Variants in RBFOX1 observed in about 807,000 individuals in gnomAD.
The protein encoded by RBFOX1 is RNA binding fox-1 homolog 1, also known as RNA binding protein fox-1 homolog 1.
In RBFOX1, 8 loss-of-function variants were observed where a neutral mutation model predicts 57.7. The ratio of observed to expected loss-of-function variants is 0.14; its 90% CI spans 0.08 to 0.25. The LOEUF (loss-of-function observed/expected upper bound fraction) is 0.25, where lower values mean the gene tolerates loss of function less well. Among genes scored for constraint, RBFOX1 ranks in the 10% least tolerant of loss-of-function variants. The pLI, the probability that RBFOX1 is intolerant of heterozygous loss-of-function variation, is 1.00. For synonymous variants in RBFOX1, 326 were observed against 222.4 expected (o/e 1.47, Z -4.15); for missense variants, 611 against 548.5 (o/e 1.11, Z -1.14).
chr16:7,187,492 A>G (rs1163929814), intron 4 of RBFOX1, among the ~76,000 whole-genome samples: 2 of 151,658 alleles, frequency 1.3e-5, no homozygotes, highest in East Asian at 3.9e-4. Flanking sequence ...GATCGAGACC[A>G]TCCTGGCTAA....
At chr16:7,202,994 G>A (rs1016688936) in intron 4 of RBFOX1, among the ~76,000 whole-genome samples, 1 of 152,118 alleles carries the variant, frequency 6.6e-6, no homozygotes, top group Non-Finnish European at 1.5e-5. Flanking sequence ...CACCGTGTGA[G>A]CCAGGATGGT....
At chr16:5,950,899 G>T (rs942257106) in intron 4 of RBFOX1, among the ~76,000 whole-genome samples, 1 of 152,130 alleles carries the variant, frequency 6.6e-6, no homozygotes. Context: ...TGGGGGAGGG[G>T]CATCCAACCC....
intron 1 of RBFOX1, among the ~76,000 whole-genome samples, chr16:5,284,033 C>G (rs1160129054): frequency 6.6e-6 from 1 of 152,068 alleles, no homozygotes; most frequent in African/African-American, 2.4e-5. Context: ...GGGGGCATGT[C>G]TTTCCCATGC....
chr16:7,223,438 C>T (rs1023956406), intron 4 of RBFOX1, among the ~76,000 whole-genome samples: 3 of 152,130 alleles, frequency 2.0e-5, no homozygotes, highest in African/African-American at 7.2e-5. Context: ...ATGTATATTC[C>T]ATTGAATCAT....
At chr16:5,849,822 G>A (rs1394541283) in intron 3 of RBFOX1, among the ~76,000 whole-genome samples, 1 of 152,152 alleles carries the variant, frequency 6.6e-6, no homozygotes, top group African/African-American at 2.4e-5. Flanking sequence ...GCTGTCATTT[G>A]TTCCCAAGAA....
chr16:7,310,802 GA>G (rs2096289262), intron 4 of RBFOX1, among the ~76,000 whole-genome samples: 1 of 152,184 alleles, frequency 6.6e-6, no homozygotes, highest in Non-Finnish European at 1.5e-5. Flanking sequence ...ATTCCATGTT[GA>G]TGGAACTCCT....
At chr16:6,983,485 G>C (rs1218865749) in intron 3 of RBFOX1, among the ~76,000 whole-genome samples, 1 of 151,398 alleles carries the variant, frequency 6.6e-6, no homozygotes, top group East Asian at 1.9e-4. Flanking sequence ...AAGATGAAAA[G>C]GAAGCGCTTA....
Position 6,133,362 on chromosome 16 carries a change from A to G in RBFOX1, c.-127+113370A>G, listed in dbSNP as rs143423839. ...GGCAGAGCCTGCGTTCTTCATTTTTAGTGCCTATCAGGCATGTGGCTGGCA... is the reference window on the plus strand; with the variant it reads ...GGCAGAGCCTGCGTTCTTCATTTTTGGTGCCTATCAGGCATGTGGCTGGCA... On this transcript the variant is annotated intron_variant, in intron 1 of 15. Transcript: ENST00000550418. Among the ~76,000 whole-genome samples, 359 of 152,294 alleles carry G rather than the reference A, an allele frequency of 2.4e-3. 3 individuals carry two copies. Among genetic ancestry groups the G allele is most frequent in the African/African-American group, 7.9e-3 (329 of 41,564 alleles).
Position 7,712,767 on chromosome 16 carries a change from C to G in RBFOX1, c.*2022C>G, listed in dbSNP as rs2084189536. On this transcript the variant is annotated 3_prime_UTR_variant, in exon 16 of 16. Coordinates refer to ENST00000550418, the MANE Select transcript of RBFOX1 (RefSeq NM_018723.4). ...AATTATTAAAACACTATGACATCCT[C>G]CAGAGGGAAGAAAGAGTAGGAGCAG... The G allele has an allele frequency of 6.6e-6, 1 of 152,130 alleles. No homozygotes were observed. Among genetic ancestry groups the G allele is most frequent in the African/African-American group, 2.4e-5 (1 of 41,432 alleles). 9.4% of individuals were successfully genotyped at this position (152,130 alleles called of 1,614,324 possible). A position where few individuals can be genotyped will look rare whatever the true frequency, so the allele number is the denominator to read the frequency against.
intron 1 of RBFOX1, among the ~76,000 whole-genome samples, chr16:5,356,412 T>C (rs2065390892): frequency 6.6e-6 from 1 of 152,232 alleles, no homozygotes; most frequent in Non-Finnish European, 1.5e-5. Context: ...ACTTTCTTCG[T>C]GACTCAATAA....
chr16:6,677,907 C>A (rs760782773), intron 3 of RBFOX1, among the ~76,000 whole-genome samples: 43 of 152,180 alleles, frequency 2.8e-4, no homozygotes, highest in Non-Finnish European at 1.2e-4. Context: ...TTGTTTATTA[C>A]TAAAGTGATT....
intron 5 of RBFOX1, among the ~76,000 whole-genome samples, chr16:7,563,429 G>C (rs1271429918): frequency 6.6e-6 from 1 of 152,166 alleles, no homozygotes; most frequent in East Asian, 1.9e-4. Flanking sequence ...GTCTATAAAT[G>C]TGTCTTGTTG....
At chr16:7,397,603 A>G (rs562766133) in intron 4 of RBFOX1, among the ~76,000 whole-genome samples, 23 of 152,308 alleles carry the variant, frequency 1.5e-4, no homozygotes, top group Admixed American at 5.9e-4. Context: ...ACTAAAATCA[A>G]TACTTTTCAA....
intron 3 of RBFOX1, among the ~76,000 whole-genome samples, chr16:5,702,344 C>G (rs769469771): frequency 6.6e-6 from 1 of 152,174 alleles, no homozygotes. Flanking sequence ...CGTGAGAACT[C>G]ACTCACTATC....
chr16:5,905,412 A>G (rs879553385), intron 4 of RBFOX1, among the ~76,000 whole-genome samples: 1 of 152,108 alleles, frequency 6.6e-6, no homozygotes, highest in Non-Finnish European at 1.5e-5. Flanking sequence ...AGGGAAGCCC[A>G]TGTGAAGACA....
intron 4 of RBFOX1, among the ~76,000 whole-genome samples, chr16:7,357,203 A>T (rs1365272032): frequency 6.6e-6 from 1 of 151,532 alleles, no homozygotes; most frequent in Non-Finnish European, 1.5e-5. Flanking sequence ...CAGTTTTGAA[A>T]TCATCCTGAT....
chr16:6,668,223 C>T (rs748920971), intron 3 of RBFOX1, among the ~76,000 whole-genome samples: 24 of 152,098 alleles, frequency 1.6e-4, no homozygotes, highest in Non-Finnish European at 2.9e-4. Context: ...TTGATTGTGG[C>T]GGCACAGAAC....
At chr16:7,629,352 G>A (rs985428328) in intron 10 of RBFOX1, among the ~76,000 whole-genome samples, 6 of 152,174 alleles carry the variant, frequency 3.9e-5, no homozygotes, top group African/African-American at 9.7e-5. Flanking sequence ...TACAGAAGGA[G>A]CATAGAACCA....
chr16:7,334,041 C>T (rs1041250596), intron 4 of RBFOX1, among the ~76,000 whole-genome samples: 2 of 152,130 alleles, frequency 1.3e-5, no homozygotes, highest in Non-Finnish European at 2.9e-5. Context: ...CTGTCCCCTC[C>T]AGCCCCTCAT....
Sources: allele counts gnomAD v4.1 joint callset (sites outside exome capture counted in the v4.1 genomes callset), GRCh38; gene constraint gnomAD v4.1.1; transcripts MANE v1.5; gene names NCBI Gene and HGNC (gene_info 2026-07-23, HGNC 2026-07-21).